The following HIVEP2 variants were observed in gnomAD, a reference collection of about 807,000 sequenced individuals.
HIVEP2 encodes transcription factor HIVEP2.
A neutral mutation model predicts 180.7 loss-of-function variants in HIVEP2; 14 were observed. The observed-to-expected ratio is 0.08, with a 90% confidence interval of 0.05 to 0.12. The LOEUF is 0.12. HIVEP2 is among the 10% of genes least tolerant of loss of function. The pLI is 1.00. For missense variants in HIVEP2, 2,579 were observed against 3,008.5 expected (o/e 0.86, Z 3.34); for synonymous variants, 1,184 against 1,136.4 (o/e 1.04, Z -0.84).
intron 1 of HIVEP2, chr6:142,944,661 CG>C (rs1208081476): frequency 6.5e-6 from 1 of 152,870 alleles, no homozygotes; most frequent in Middle Eastern, 3.1e-3. Context: ...ATTCCCGGAA[CG>C]GGCCAACGTT....
intron 2 of HIVEP2, chr6:142,794,220 A>T (rs559955755): frequency 6.6e-6 from 1 of 152,314 alleles, no homozygotes; most frequent in African/African-American, 2.4e-5. Flanking sequence ...AGCTTCAAGT[A>T]CTATTTCTAC....
At chr6:142,811,772 C>G (rs1189984621) in intron 2 of HIVEP2, among the ~76,000 whole-genome samples, 1 of 152,210 alleles carries the variant, frequency 6.6e-6, no homozygotes, top group Non-Finnish European at 1.5e-5. Flanking sequence ...ATTATCCTAA[C>G]AGTGCCTTTA....
chr6:142,932,696 G>T (rs2128439019), intron 1 of HIVEP2, among the ~76,000 whole-genome samples: 1 of 152,322 alleles, frequency 6.6e-6, no homozygotes, highest in East Asian at 1.9e-4. Context: ...GCTGGAGAGG[G>T]CTCAACTGCT....
intron 1 of HIVEP2, among the ~76,000 whole-genome samples, chr6:142,838,445 A>G (rs879447408): frequency 1.3e-5 from 2 of 152,178 alleles, no homozygotes; most frequent in Non-Finnish European, 2.9e-5. Context: ...AACAAACACA[A>G]TCACCTGAAC....
intron 2 of HIVEP2, among the ~76,000 whole-genome samples, chr6:142,789,807 A>G (rs1438259258): frequency 1.3e-5 from 2 of 152,324 alleles, no homozygotes; most frequent in African/African-American, 4.8e-5. Flanking sequence ...TCAAATGAGC[A>G]AAGATATTTA....
chr6:142,896,105 TTTGA>T (rs1369262643), intron 1 of HIVEP2, among the ~76,000 whole-genome samples: 1 of 152,178 alleles, frequency 6.6e-6, no homozygotes, highest in African/African-American at 2.4e-5. Flanking sequence ...TGCTGAAATG[TTTGA>T]TTATTGTCCA....
At chr6:142,884,309 A>G (rs186506010) in intron 1 of HIVEP2, among the ~76,000 whole-genome samples, 82 of 145,700 alleles carry the variant, frequency 5.6e-4, no homozygotes, top group Non-Finnish European at 1.9e-4. Context: ...TTTGTTCTGG[A>G]AAAAAAAAAG....
chr6:142,763,857 A>C (rs1775316452), intron 7 of HIVEP2, among the ~76,000 whole-genome samples: 1 of 152,238 alleles, frequency 6.6e-6, no homozygotes, highest in African/African-American at 2.4e-5. Flanking sequence ...AAAGAGAAAC[A>C]GATATGTTGA....
rs568653902 is a variant in HIVEP2 at position 142,881,727 on chromosome 6, T to C, written c.-640-44680A>G. Among the ~76,000 whole-genome samples, 234 of 152,328 alleles carry C rather than the reference T, an allele frequency of 1.5e-3. 1 individual carries two copies. In the Middle Eastern group the frequency reaches 0.024, roughly 15 times the overall value. On this transcript the variant is annotated intron_variant, in intron 1 of 9. Coordinates refer to ENST00000367603, the MANE Select transcript of HIVEP2 (RefSeq NM_006734.4). Reference sequence around the variant, plus strand: ...GTAGAATAAAATATTTCCACTAAAATGCACTTATCTCTACATACTATGCCT... The same window carrying C: ...GTAGAATAAAATATTTCCACTAAAACGCACTTATCTCTACATACTATGCCT...
intron 1 of HIVEP2, among the ~76,000 whole-genome samples, chr6:142,872,934 T>A (rs1464321751): frequency 6.6e-6 from 1 of 152,186 alleles, no homozygotes; most frequent in Non-Finnish European, 1.5e-5. Context: ...ATTCCCAGCA[T>A]CTACAATCCC....
chr6:142,892,958 G>A (rs1305379139), intron 1 of HIVEP2, among the ~76,000 whole-genome samples: 2 of 152,172 alleles, frequency 1.3e-5, no homozygotes, highest in Admixed American at 6.5e-5. Context: ...TCGTAACATA[G>A]AGCAAAAGTT....
intron 1 of HIVEP2, among the ~76,000 whole-genome samples, chr6:142,844,561 C>A (rs887190620): frequency 6.6e-6 from 1 of 152,126 alleles, no homozygotes; most frequent in African/African-American, 2.4e-5. Flanking sequence ...CAGTTACTGT[C>A]CGAGGTATGT....
chr6:142,793,679 C>T (rs1554279293), intron 2 of HIVEP2, among the ~76,000 whole-genome samples: 1,548 of 119,272 alleles, frequency 0.013, 28 homozygotes, highest in Middle Eastern at 0.019. Flanking sequence ...TTCTTTCTCT[C>T]TCTCTCTCTC....
intron 1 of HIVEP2, among the ~76,000 whole-genome samples, chr6:142,853,883 G>C (rs976314439): frequency 1.3e-5 from 2 of 152,208 alleles, no homozygotes; most frequent in African/African-American, 4.8e-5. Flanking sequence ...TCAGAAGCTA[G>C]AGCAGCCTTT....
chr6:142,931,381 G>T (rs1777939360), intron 1 of HIVEP2, among the ~76,000 whole-genome samples: 1 of 151,820 alleles, frequency 6.6e-6, no homozygotes, highest in Non-Finnish European at 1.5e-5. Context: ...TTAATCAACA[G>T]AAAAATATAA....
At chr6:142,846,573 A>G (rs1582908942) in intron 1 of HIVEP2, among the ~76,000 whole-genome samples, 2 of 152,224 alleles carry the variant, frequency 1.3e-5, no homozygotes, top group Admixed American at 1.3e-4. Flanking sequence ...ATAACCTGAC[A>G]GTTTTATTGA....
intron 1 of HIVEP2, among the ~76,000 whole-genome samples, chr6:142,900,149 C>A (rs983489021): frequency 1.3e-5 from 2 of 152,084 alleles, no homozygotes; most frequent in Non-Finnish European, 2.9e-5. Context: ...TGGAACAGAG[C>A]AAAAATAAAC....
chr6:142,760,118 T>C lies in HIVEP2; in HGVS notation c.6170A>G (p.Asp2057Gly). 6.2e-7 allele frequency: 1 copy of C among 1,614,208 alleles called. No homozygotes were observed. The highest frequency in any genetic ancestry group is 8.5e-7 in the Non-Finnish European group (1 of 1,180,040). The change falls in exon 9 of 10, where the codon GAT becomes GGT. Residue 2057 changes from aspartate (D) to glycine (G), a missense_variant. This residue lies in a region of HIVEP2 where 660 missense variants were observed against 731.7 expected (regional missense o/e 0.90). Coordinates refer to ENST00000367603, the MANE Select transcript of HIVEP2 (RefSeq NM_006734.4). ...TATCAGATACCTCTTTGGTGAATTATCTCGACAGGGTGAAGAATCATATCC... is the reference window on the plus strand; with the variant it reads ...TATCAGATACCTCTTTGGTGAATTACCTCGACAGGGTGAAGAATCATATCC... ...SPGYDSSPCR[D>G]NSPKRYLIPK...
intron 2 of HIVEP2, among the ~76,000 whole-genome samples, chr6:142,793,656 CTTTTTTCTTTCTT>C (rs1406968073): frequency 0.012 from 921 of 77,172 alleles, 22 homozygotes; most frequent in African/African-American, 0.039. Flanking sequence ...TTCTTTCTTT[CTTTTTTCTTTCTT>C]TCTTTCTCTC....
Sources: allele counts gnomAD v4.1 joint callset (sites outside exome capture counted in the v4.1 genomes callset), GRCh38; gene constraint gnomAD v4.1.1; regional missense constraint gnomAD v4.1.1; transcripts MANE v1.5; gene names NCBI Gene and HGNC (gene_info 2026-07-23, HGNC 2026-07-21).